The following PLAGL1 variants were observed in gnomAD, a reference collection of about 807,000 sequenced individuals.
PLAGL1 encodes the protein zinc finger protein PLAGL1.
Under a neutral mutation model 4.6 loss-of-function variants are expected in PLAGL1, and 1 was observed. The observed-to-expected ratio is 0.22, with a 90% CI of 0.08 to 1.03. The LOEUF is 1.03. Among genes scored for constraint, PLAGL1 ranks in the 50% least tolerant of loss-of-function variants. PLAGL1 has a pLI of 0.58. For missense variants in PLAGL1, 464 were observed against 570.4 expected (o/e 0.81, Z 1.90); for synonymous variants, 240 against 237.8 (o/e 1.01, Z -0.08).
Position 143,975,583 on chromosome 6 carries a change from A to G in PLAGL1, c.-543-6605T>C, listed in dbSNP as rs188318308. 1.3e-5 allele frequency among the ~76,000 whole-genome samples: 2 copies of G among 152,316 alleles called. No homozygotes were observed. The highest frequency in any genetic ancestry group is 4.8e-5 in the African/African-American group (2 of 41,570). On this transcript the variant is annotated intron_variant, in intron 2 of 7. Transcript: ENST00000674357. The surrounding 1 kb of genome is among the most constrained non-coding windows in gnomAD (Gnocchi z 5.8). ...TAAAAGGAAAAATTTCTTTTAAAGA[A>G]AAAGACATAAAATTTAACATTCAGT...
rs1005195680 is a variant in PLAGL1, at chr6:143,942,994, T to C, written c.153-331A>G. 6.8e-6 allele frequency among the ~76,000 whole-genome samples: 1 copy of C among 145,986 alleles called. No homozygotes were observed. The highest frequency in any genetic ancestry group is 1.5e-5 in the Non-Finnish European group (1 of 67,020). On this transcript the variant is annotated intron_variant, in intron 7 of 7. Transcript: ENST00000674357. The surrounding 1 kb of genome is among the most constrained non-coding windows in gnomAD (Gnocchi z 7.6). ...AATCTTCCCACCTTAGCCTCTCAAA[T>C]AGCTGAACTACAGGCACACACCACC...
rs1305683930 is a variant in PLAGL1 at position 143,960,854 on chromosome 6, CAACAGTATTA to C, written c.-398-322_-398-313del. The C allele has an allele frequency of 6.6e-6, 1 of 152,024 alleles. No homozygotes were observed. Among genetic ancestry groups the C allele is most frequent in the African/African-American group, 2.4e-5 (1 of 41,398 alleles). 9.4% of individuals were successfully genotyped at this position (152,024 alleles called of 1,614,324 possible). A position where few individuals can be genotyped will look rare whatever the true frequency, so the allele number is the denominator to read the frequency against. On this transcript the variant is annotated intron_variant, in intron 5 of 7. Coordinates refer to ENST00000674357, the MANE Select transcript of PLAGL1 (RefSeq NM_001317162.2). This position sits in a 1 kb window ranked among gnomAD's most constrained non-coding sequence, Gnocchi z 5.7. ...CAGAGGAAATGGTATTTTTTAAAAC[CAACAGTATTA>C]AAATACCATAAAACAGGTATGCAAA...
chr6:144,021,782 G>T (rs562544911), intron 1 of PLAGL1, among the ~76,000 whole-genome samples: 43 of 152,314 alleles, frequency 2.8e-4, no homozygotes, highest in African/African-American at 1.0e-3. Flanking sequence ...GGACCATACA[G>T]TTCTTTTCCT....
intron 7 of PLAGL1, among the ~76,000 whole-genome samples, chr6:143,944,839 T>A (rs1779419400): frequency 6.6e-6 from 1 of 151,494 alleles, no homozygotes; most frequent in African/African-American, 2.4e-5. Flanking sequence ...AGCTCTTGGG[T>A]CAGTTTGTGC....
rs954637697 is a variant in PLAGL1 at position 144,006,851 on chromosome 6, A to G, written c.-584+1239T>C. On this transcript the variant is annotated intron_variant, in intron 1 of 7. Coordinates refer to ENST00000674357, the MANE Select transcript of PLAGL1 (RefSeq NM_001317162.2). The surrounding 1 kb of genome is among the most constrained non-coding windows in gnomAD (Gnocchi z 4.3). ...GGAATGACGTTTTACATCATGACAC[A>G]CATTTGTGTATGTATGAAACTGAGG... is the stretch of plus-strand genomic sequence containing the variant. 1 of 152,190 alleles carries G rather than the reference A, an allele frequency of 6.6e-6. No individual in the cohort carries two copies. The highest frequency in any genetic ancestry group is 2.4e-5 in the African/African-American group (1 of 41,420). 9.4% of individuals were successfully genotyped at this position (152,190 alleles called of 1,614,324 possible).
intron 7 of PLAGL1, among the ~76,000 whole-genome samples, chr6:143,946,375 G>A (rs183158953): frequency 1.2e-4 from 18 of 152,194 alleles, no homozygotes; most frequent in Admixed American, 3.3e-4. Flanking sequence ...TGCAGCCAGC[G>A]CTGCTCTCAT....
chr6:144,033,236 G>A (rs1796964277), intron 1 of PLAGL1, among the ~76,000 whole-genome samples: 1 of 152,224 alleles, frequency 6.6e-6, no homozygotes, highest in Non-Finnish European at 1.5e-5. Flanking sequence ...AGAATGGTGA[G>A]AGACGATGTC....
rs1042123016 is a variant in PLAGL1, at chr6:143,962,541, C to A, written c.-398-1999G>T. Among the ~76,000 whole-genome samples, 2 of 152,142 alleles carry A rather than the reference C, an allele frequency of 1.3e-5. No homozygotes were observed. The highest frequency in any genetic ancestry group is 4.8e-5 in the African/African-American group (2 of 41,428). On this transcript the variant is annotated intron_variant, in intron 5 of 7. Coordinates refer to ENST00000674357, the MANE Select transcript of PLAGL1 (RefSeq NM_001317162.2). The surrounding 1 kb of genome is among the most constrained non-coding windows in gnomAD (Gnocchi z 5.3). ...GGAAAGTTTGTTTATTCGTTGATGA[C>A]AAAAACCAAAGTTTCATAGAGTGTA...
chr6:144,049,467 C>T (rs1798422110), intron 1 of PLAGL1, among the ~76,000 whole-genome samples: 1 of 152,222 alleles, frequency 6.6e-6, no homozygotes, highest in Non-Finnish European at 1.5e-5. Context: ...GTAATTGACT[C>T]ACAGTTCTGC....
intron 1 of PLAGL1, among the ~76,000 whole-genome samples, chr6:143,998,427 T>C (rs765360490): frequency 5.9e-5 from 9 of 152,336 alleles, no homozygotes; most frequent in Admixed American, 1.3e-4. Flanking sequence ...ACTAACTATA[T>C]GGTGTTAGGA....
chr6:143,967,906 G>A (rs1784707187), intron 3 of PLAGL1: 2 of 149,236 alleles, frequency 1.3e-5, no homozygotes, highest in South Asian at 4.2e-4. Context: ...GTTTGCAGGG[G>A]GAATTGAATG....
At chr6:144,043,938 C>A (rs1326266817) in intron 1 of PLAGL1, among the ~76,000 whole-genome samples, 2 of 152,174 alleles carry the variant, frequency 1.3e-5, no homozygotes, top group Non-Finnish European at 2.9e-5. Context: ...TTATCCATTT[C>A]TTCTAGGTTT....
At position 143,990,360 on chromosome 6, in the gene PLAGL1, C is replaced by A. The variant is rs921665397; in HGVS notation, c.-583-5186G>T. 6.6e-6 allele frequency among the ~76,000 whole-genome samples: 1 copy of A among 152,202 alleles called. No homozygotes were observed. The highest frequency in any genetic ancestry group is 2.4e-5 in the African/African-American group (1 of 41,456). On this transcript the variant is annotated intron_variant, in intron 1 of 7. Coordinates refer to ENST00000674357, the MANE Select transcript of PLAGL1 (RefSeq NM_001317162.2). This position sits in a 1 kb window ranked among gnomAD's most constrained non-coding sequence, Gnocchi z 5.4. ...GGTCTCCATCCCCTGACCTCGGGAT[C>A]CGCCCGCCTTGGCCTCCCAAAGTGC...
Position 143,941,596 on chromosome 6 carries a change from G to A in PLAGL1, c.1220C>T (p.Pro407Leu). ...TFGNSTLALGPGESLPHRLSC... is the reference protein window; with the variant it reads ...TFGNSTLALGLGESLPHRLSC... Reference sequence around the variant, plus strand: ...TAACCTGTGGGGCAAAGATTCCCCAGGCCCCAGGGCAAGAGTGCTATTCCC... The same window carrying A: ...TAACCTGTGGGGCAAAGATTCCCCAAGCCCCAGGGCAAGAGTGCTATTCCC... Residue 407 changes from proline to leucine, a missense_variant, in exon 8 of 8, where the codon CCT becomes CTT. Around this residue, in one of 4 missense-constraint regions of PLAGL1, gnomAD observed 248 missense variants for 250.1 expected, o/e 0.99. Transcript: ENST00000674357. This position sits in a 1 kb window ranked among gnomAD's most constrained non-coding sequence, Gnocchi z 6.0. 1.2e-6 allele frequency: 2 copies of A among 1,611,376 alleles called. No homozygotes were observed. The highest frequency in any genetic ancestry group is 1.1e-5 in the South Asian group (1 of 90,854).
chr6:143,980,264 C>A (rs1787621140), intron 2 of PLAGL1, among the ~76,000 whole-genome samples: 1 of 152,046 alleles, frequency 6.6e-6, no homozygotes, highest in Non-Finnish European at 1.5e-5. Flanking sequence ...TCAAATTTGG[C>A]AAGGCTTCAG....
rs1326776210 is a variant in PLAGL1 at position 144,050,528 on chromosome 6, A to T, written c.-151+13940T>A. ...TCTATGTTTATGTCTCTATTATTAC[A>T]TTATAGGCTTATTCTAGGGAATAAA... On this transcript the variant is annotated intron_variant, in intron 1 of 3. Coordinates refer to the PLAGL1 transcript ENST00000437412. This position sits in a 1 kb window ranked among gnomAD's most constrained non-coding sequence, Gnocchi z 4.3. Among the ~76,000 whole-genome samples, 6 of 152,160 alleles carry T rather than the reference A, an allele frequency of 3.9e-5. No individual in the cohort carries two copies. Among genetic ancestry groups the T allele is most frequent in the Non-Finnish European group, 8.8e-5 (6 of 68,024 alleles).
chr6:144,024,326 G>T (rs1796187185), intron 1 of PLAGL1, among the ~76,000 whole-genome samples: 1 of 152,148 alleles, frequency 6.6e-6, no homozygotes, highest in Non-Finnish European at 1.5e-5. Flanking sequence ...GTACCTTGAT[G>T]ATATGGTTTG....
chr6:143,959,646 G>A lies in PLAGL1; in HGVS notation c.-325+823C>T, dbSNP rs1047294360. Among the ~76,000 whole-genome samples, 2 of 152,164 alleles carry A rather than the reference G, an allele frequency of 1.3e-5. No individual in the cohort carries two copies. Among genetic ancestry groups the A allele is most frequent in the African/African-American group, 4.8e-5 (2 of 41,434 alleles). On this transcript the variant is annotated intron_variant, in intron 6 of 7. Coordinates refer to ENST00000674357, the MANE Select transcript of PLAGL1 (RefSeq NM_001317162.2). The surrounding 1 kb of genome is among the most constrained non-coding windows in gnomAD (Gnocchi z 5.3). ...AATAATTTCCATCTCATAGCCCTAA[G>A]AGATAGGTAGAAGGGCATCATTGTC...
rs1799538610 is a variant in PLAGL1 at position 144,062,954 on chromosome 6, G to T, written c.-151+1514C>A. Reference sequence around the variant, plus strand: ...ATCTAAAGCCTTTGGTTCTTGAGAAGAGGAAGCAGAAATGGTGCCTTTTTC... The same window carrying T: ...ATCTAAAGCCTTTGGTTCTTGAGAATAGGAAGCAGAAATGGTGCCTTTTTC... On this transcript the variant is annotated intron_variant, in intron 1 of 3. Coordinates refer to the PLAGL1 transcript ENST00000437412. Among the ~76,000 whole-genome samples, 2 of 152,164 alleles carry T rather than the reference G, an allele frequency of 1.3e-5. 1 individual carries two copies. The highest frequency in any genetic ancestry group is 4.1e-4 in the South Asian group (2 of 4,838).
Sources: allele counts gnomAD v4.1 joint callset (sites outside exome capture counted in the v4.1 genomes callset), GRCh38; gene constraint gnomAD v4.1.1; regional missense constraint gnomAD v4.1.1; non-coding constraint Gnocchi (gnomAD v3.1); transcripts MANE v1.5; gene names NCBI Gene and HGNC (gene_info 2026-07-23, HGNC 2026-07-21).